USP13: variants seen among roughly 807,000 people sequenced by gnomAD.
USP13 encodes ubiquitin carboxyl-terminal hydrolase 13.
USP13 carries 68 observed loss-of-function variants against 107.8 expected under a neutral mutation model. The observed-to-expected ratio is 0.63, with a 90% CI of 0.52 to 0.77. The LOEUF is 0.77. Among genes scored for constraint, USP13 ranks in the 30% least tolerant of loss-of-function variants. USP13 has a pLI of 0.00. For missense variants in USP13, 945 were observed against 1,093.3 expected (o/e 0.86, Z 1.91); for synonymous variants, 377 against 389.5 (o/e 0.97, Z 0.38).
Position 179,653,868 on chromosome 3 carries a change from CT to C in USP13, c.168+479del, listed in dbSNP as rs1397154979. The C allele has an allele frequency of 6.5e-6, 1 of 153,536 alleles. No homozygotes were observed. The highest frequency in any genetic ancestry group is 1.5e-5 in the Non-Finnish European group (1 of 68,908). 9.5% of individuals were successfully genotyped at this position (153,536 alleles called of 1,614,324 possible). A position where few individuals can be genotyped will look rare whatever the true frequency, so the allele number is the denominator to read the frequency against. On this transcript the variant is annotated intron_variant, in intron 1 of 20. Transcript: ENST00000263966. The surrounding 1 kb of genome is among the most constrained non-coding windows in gnomAD (Gnocchi z 4.0). ...GGACAATTCTGATTTGCTCTCTGAG[CT>C]TTTCTTCCACCAGTTCCCATTTCAC...
intron 6 of USP13, among the ~76,000 whole-genome samples, chr3:179,711,255 G>A (rs1312446569): frequency 6.6e-6 from 1 of 152,014 alleles, no homozygotes; most frequent in Non-Finnish European, 1.5e-5. Flanking sequence ...GTCTCACTCT[G>A]TCACCCAGGC....
In USP13 at chr3:179,746,787, A is replaced by G. The variant is rs574972934; in HGVS notation, c.1709+1570A>G. 2.0e-5 allele frequency among the ~76,000 whole-genome samples: 3 copies of G among 150,440 alleles called. No individual in the cohort carries two copies. The East Asian group carries it at 5.9e-4, about 30-fold the overall frequency. ...CACTATTTAGCCAGGCTGATCTGGA[A>G]CTCCTGACCTCAGGTGATCTGCCCT... On this transcript the variant is annotated intron_variant, in intron 13 of 20. Coordinates refer to ENST00000263966, the MANE Select transcript of USP13 (RefSeq NM_003940.3).
chr3:179,698,597 T>G (rs1281260598), intron 3 of USP13, among the ~76,000 whole-genome samples: 2 of 151,910 alleles, frequency 1.3e-5, no homozygotes, highest in Admixed American at 1.3e-4. Context: ...TTGTATGAGC[T>G]GAATCTGCAC....
intron 1 of USP13, among the ~76,000 whole-genome samples, chr3:179,670,293 C>G (rs905105952): frequency 1.3e-5 from 2 of 152,164 alleles, no homozygotes; most frequent in African/African-American, 4.8e-5. Context: ...GCCTGTCTCT[C>G]TTTACTAGGA....
chr3:179,781,133 T>C (rs542743059), intron 19 of USP13, among the ~76,000 whole-genome samples: 1 of 152,312 alleles, frequency 6.6e-6, no homozygotes, highest in South Asian at 2.1e-4. Context: ...AGAGGCCATA[T>C]ATCTCTTTGT....
At chr3:179,765,337 A>G (rs879670724) in intron 18 of USP13, among the ~76,000 whole-genome samples, 14 of 152,256 alleles carry the variant, frequency 9.2e-5, no homozygotes, top group Non-Finnish European at 1.5e-4. Flanking sequence ...AAGTGGCTTT[A>G]GAAAGAGCTG....
intron 12 of USP13, among the ~76,000 whole-genome samples, chr3:179,743,926 GT>G (rs35286740): frequency 0.19 from 24,168 of 126,058 alleles, 2,083 homozygotes; most frequent in East Asian, 0.26. Flanking sequence ...TAAATAAGGA[GT>G]TTTTTTTTTT....
intron 3 of USP13, among the ~76,000 whole-genome samples, chr3:179,690,713 C>T (rs1442969346): frequency 6.6e-6 from 1 of 152,178 alleles, no homozygotes; most frequent in African/African-American, 2.4e-5. Flanking sequence ...GCTGAGACCA[C>T]AGGCACACAC....
At chr3:179,666,845 C>T (rs1010649082) in intron 1 of USP13, among the ~76,000 whole-genome samples, 1 of 152,252 alleles carries the variant, frequency 6.6e-6, no homozygotes, top group African/African-American at 2.4e-5. Flanking sequence ...ATCTGCTTCT[C>T]AGTAGCACCA....
intron 2 of USP13, 81 bp from the exon 3 acceptor site, chr3:179,690,160 G>T: frequency 7.5e-7 from 1 of 1,332,894 alleles, no homozygotes. Context: ...TAAAAACTAG[G>T]AACCTCTGAG....
chr3:179,720,082 G>A (rs763241663), intron 7 of USP13, 48 bp downstream of exon 7: 4 of 1,438,714 alleles, frequency 2.8e-6, no homozygotes, highest in Middle Eastern at 1.8e-4. Context: ...GGGTAGGGGT[G>A]GGGAGACGGC....
intron 16 of USP13, among the ~76,000 whole-genome samples, chr3:179,758,535 A>G (rs1349598843): frequency 2.7e-5 from 4 of 150,146 alleles, no homozygotes; most frequent in East Asian, 2.0e-4. Context: ...GTCTTGCTCT[A>G]TCACCCAGGC....
At chr3:179,720,420 A>G (rs759724353) in intron 7 of USP13, among the ~76,000 whole-genome samples, 2 of 152,246 alleles carry the variant, frequency 1.3e-5, no homozygotes, top group Non-Finnish European at 2.9e-5. Flanking sequence ...CAGGGAGGGA[A>G]GCAAAGCTCC....
intron 10 of USP13, 73 bp downstream of exon 10, chr3:179,730,782 T>C: frequency 1.5e-6 from 2 of 1,346,384 alleles, no homozygotes; most frequent in Non-Finnish European, 2.1e-6. Context: ...TCCTATGATT[T>C]GGCACATGGT....
intron 19 of USP13, among the ~76,000 whole-genome samples, chr3:179,767,145 T>G (rs1257466104): frequency 6.6e-6 from 1 of 152,216 alleles, no homozygotes. Flanking sequence ...CCTTCCTAGA[T>G]CCTTGTCATA....
chr3:179,738,895 C>A (rs1714084808), intron 10 of USP13, among the ~76,000 whole-genome samples: 1 of 152,162 alleles, frequency 6.6e-6, no homozygotes, highest in African/African-American at 2.4e-5. Flanking sequence ...CCTCTTTCCA[C>A]CCGCTGCTGG....
rs764268458 is a variant in USP13, at chr3:179,700,982, G to C, written c.356-26G>C. On this transcript the variant is annotated intron_variant, in intron 3 of 20. Coordinates refer to ENST00000263966, the MANE Select transcript of USP13 (RefSeq NM_003940.3). ...TGGGATATTATTTTCCTCACTTCTT[G>C]TTCTTTGTTTTTGTTTTCTCCTCAG... 1.9e-6 allele frequency: 3 copies of C among 1,603,278 alleles called. No individual in the cohort carries two copies. The East Asian group carries it at 6.7e-5, about 36-fold the overall frequency.
At chr3:179,724,269 C>G (rs1187775403) in intron 8 of USP13, among the ~76,000 whole-genome samples, 1 of 150,594 alleles carries the variant, frequency 6.6e-6, no homozygotes, top group Non-Finnish European at 1.5e-5. Flanking sequence ...ACCAGCCTGG[C>G]CAACATGGTG....
In USP13 at chr3:179,727,167, T is replaced by G. The variant is rs1055790634; in HGVS notation, c.1089-3022T>G. Among the ~76,000 whole-genome samples, 331 of 128,034 alleles carry G rather than the reference T, an allele frequency of 2.6e-3. 1 individual carries two copies. Among genetic ancestry groups the G allele is most frequent in the Non-Finnish European group, 3.5e-3 (225 of 64,482 alleles). The allele number at this position is 128,034 out of a possible 152,430, so 84.0% of individuals were successfully genotyped here. ...ATTATTGGAACAATTTTTAATGTTT[T>G]TTTTTTTTTTTTTTTTTAATTGATC... On this transcript the variant is annotated intron_variant, in intron 8 of 20. Coordinates refer to ENST00000263966, the MANE Select transcript of USP13 (RefSeq NM_003940.3).
Sources: gnomAD v4.1 joint callset for allele counts (sites outside exome capture counted in the v4.1 genomes callset) on GRCh38, gnomAD v4.1.1 for gene constraint, Gnocchi (gnomAD v3.1) non-coding constraint, MANE v1.5 for transcripts, NCBI Gene and HGNC (gene_info 2026-07-23, HGNC 2026-07-21) for gene names.